COL4A4: variants seen among roughly 807,000 people sequenced by gnomAD.
COL4A4 encodes the protein collagen type IV alpha 4 chain, also known as collagen alpha-4(IV) chain.
In COL4A4, 105 loss-of-function variants were observed where a neutral mutation model predicts 192.9. The ratio of observed to expected loss-of-function variants is 0.54; its 90% CI spans 0.46 to 0.64. The LOEUF (loss-of-function observed/expected upper bound fraction) is 0.64. Ranked by LOEUF, COL4A4 falls within the 30% of genes least tolerant of loss-of-function variation. The probability of loss-of-function intolerance (pLI) is 0.00; values close to 1 mark genes in which losing one functional copy is unlikely to be tolerated. For missense variants in COL4A4, 1,967 were observed against 2,169.3 expected (o/e 0.91, Z 1.85); for synonymous variants, 762 against 769.9 (o/e 0.99, Z 0.17).
intron 1 of COL4A4, among the ~76,000 whole-genome samples, chr2:227,159,274 C>T (rs183383373): frequency 6.6e-6 from 1 of 152,072 alleles, no homozygotes; most frequent in South Asian, 2.1e-4. Context: ...AAAATGAAGT[C>T]TACAGTGACA....
At chr2:227,119,194 T>A (rs2061646925) in intron 6 of COL4A4, among the ~76,000 whole-genome samples, 1 of 152,010 alleles carries the variant, frequency 6.6e-6, no homozygotes, top group Admixed American at 6.6e-5. Context: ...ACATAACAAG[T>A]ATACCTAGCT....
At chr2:227,094,083 AG>A in intron 20 of COL4A4, 41 bp downstream of exon 20, 1 of 1,575,292 alleles carries the variant, frequency 6.3e-7, no homozygotes, top group Non-Finnish European at 8.7e-7. Flanking sequence ...AAATATCAAA[AG>A]CAGCATAAAT....
intron 4 of COL4A4, among the ~76,000 whole-genome samples, chr2:227,127,555 C>T (rs188767684): frequency 6.6e-6 from 1 of 152,308 alleles, no homozygotes; most frequent in Non-Finnish European, 1.5e-5. Context: ...GATAAAATTA[C>T]TTTTATTTCA....
At chr2:227,108,534 C>T in intron 12 of COL4A4, 47 bp downstream of exon 12, 3 of 1,577,420 alleles carry the variant, frequency 1.9e-6, no homozygotes, top group Non-Finnish European at 2.6e-6. Context: ...CCCTGAGCAG[C>T]ACACACACGT....
rs1185854991 is a variant in COL4A4, at chr2:227,005,654, G to A, written c.*1671C>T. The stretch of plus-strand genomic sequence containing the variant: ...CCATAGCAAAACTCATTTGAAATGT[G>A]TTCTGCATATAAGAGCTCATTACAA... On this transcript the variant is annotated 3_prime_UTR_variant, in exon 48 of 48. Transcript: ENST00000396625. 1 of 152,208 alleles carries A rather than the reference G, an allele frequency of 6.6e-6. No individual in the cohort carries two copies. The highest frequency in any genetic ancestry group is 1.5e-5 in the Non-Finnish European group (1 of 68,038). 9.4% of individuals were successfully genotyped at this position (152,208 alleles called of 1,614,324 possible). A position where few individuals can be genotyped will look rare whatever the true frequency, so the allele number is the denominator to read the frequency against.
chr2:227,161,226 C>T (rs936781843), intron 1 of COL4A4, among the ~76,000 whole-genome samples: 1 of 152,206 alleles, frequency 6.6e-6, no homozygotes, highest in South Asian at 2.1e-4. Flanking sequence ...ACAAAAATGG[C>T]CCCTGCCCTA....
At chr2:227,048,408 G>A (rs56125125) in intron 34 of COL4A4, among the ~76,000 whole-genome samples, 8,441 of 152,204 alleles carry the variant, frequency 0.055, 753 homozygotes, top group African/African-American at 0.19. Context: ...GTGAGAATTT[G>A]AAGTCCTTGG....
chr2:226,984,741 A>T, the COL4A4 span, among the ~76,000 whole-genome samples: 1 of 152,124 alleles, frequency 6.6e-6, no homozygotes, highest in South Asian at 2.1e-4. Context: ...TGGAATACTC[A>T]ATTTATAAGC....
At chr2:227,068,342 G>C (rs1260934621) in intron 25 of COL4A4, among the ~76,000 whole-genome samples, 1 of 152,202 alleles carries the variant, frequency 6.6e-6, no homozygotes, top group African/African-American at 2.4e-5. Flanking sequence ...AATAGAAAAA[G>C]AGGGAATCCT....
chr2:227,041,857 A>AG (rs1971367370), intron 37 of COL4A4, among the ~76,000 whole-genome samples: 1 of 106,702 alleles, frequency 9.4e-6, no homozygotes, highest in Admixed American at 8.7e-5. Context: ...AGAGAAAGAA[A>AG]GAAAGAAAGA....
chr2:227,130,621 C>A (rs1410570249), intron 4 of COL4A4, among the ~76,000 whole-genome samples: 1 of 152,030 alleles, frequency 6.6e-6, no homozygotes, highest in African/African-American at 2.4e-5. Context: ...TCTCTCCAGC[C>A]AAAGCATCCA....
At chr2:227,099,295 G>A (rs1001995854) in intron 18 of COL4A4, among the ~76,000 whole-genome samples, 11 of 152,152 alleles carry the variant, frequency 7.2e-5, no homozygotes. Flanking sequence ...TCGAACTCCT[G>A]ACCTCAAGTG....
chr2:226,974,856 C>T, the COL4A4 span, among the ~76,000 whole-genome samples: 2 of 152,150 alleles, frequency 1.3e-5, no homozygotes, highest in South Asian at 2.1e-4. Flanking sequence ...TCAGGTACCT[C>T]GCCAGTGCGT....
chr2:227,052,242 A>G, intron 32 of COL4A4, 63 bp downstream of exon 32: 3 of 1,023,406 alleles, frequency 2.9e-6, no homozygotes. Context: ...AAAGTTGCCT[A>G]ACAAATGTGA....
chr2:227,035,826 T>C (rs1273502783), intron 37 of COL4A4, among the ~76,000 whole-genome samples: 2 of 152,170 alleles, frequency 1.3e-5, no homozygotes, highest in Admixed American at 1.3e-4. Context: ...TGGGGTGGAA[T>C]GTCTCTGCTT....
chr2:226,975,286 AACAC>A, the COL4A4 span, among the ~76,000 whole-genome samples: 6 of 151,686 alleles, frequency 4.0e-5, no homozygotes, highest in Non-Finnish European at 7.4e-5. Flanking sequence ...TACACACACA[AACAC>A]ACACACACAC....
intron 25 of COL4A4, among the ~76,000 whole-genome samples, chr2:227,069,566 A>G (rs1481216481): frequency 6.6e-6 from 1 of 152,122 alleles, no homozygotes; most frequent in African/African-American, 2.4e-5. Context: ...ATAACGCCGC[A>G]TATCTACAAC....
chr2:227,030,423 T>G lies in COL4A4; in HGVS notation c.3973+20A>C. 1.2e-6 allele frequency: 2 copies of G among 1,613,814 alleles called. No individual in the cohort carries two copies. The highest frequency in any genetic ancestry group is 1.7e-6 in the Non-Finnish European group (2 of 1,179,738). Reference sequence around the variant, plus strand: ...ATAACCAAGTTATTCACATATTACTTAACGGAACAACATTCATACCTTTCT... The same window carrying G: ...ATAACCAAGTTATTCACATATTACTGAACGGAACAACATTCATACCTTTCT... On this transcript the variant is annotated intron_variant, in intron 41 of 47. Coordinates refer to ENST00000396625, the MANE Select transcript of COL4A4 (RefSeq NM_000092.5).
intron 19 of COL4A4, among the ~76,000 whole-genome samples, chr2:227,097,008 C>T (rs1441766749): frequency 6.6e-6 from 1 of 152,022 alleles, no homozygotes; most frequent in Non-Finnish European, 1.5e-5. Flanking sequence ...TATAATAGGA[C>T]TAGATACACT....
Sources: allele counts gnomAD v4.1 joint callset (sites outside exome capture counted in the v4.1 genomes callset), GRCh38; gene constraint gnomAD v4.1.1; transcripts MANE v1.5; gene names NCBI Gene and HGNC (gene_info 2026-07-23, HGNC 2026-07-21).